Variants in TAF1L observed in about 807,000 individuals in gnomAD.
The protein encoded by TAF1L is transcription initiation factor TFIID subunit 1-like.
TAF1L carries 30 observed loss-of-function variants against 128.8 expected under a neutral mutation model. That is an observed-to-expected ratio of 0.23 (90% confidence interval 0.17 to 0.32). TAF1L has a LOEUF of 0.32. Among genes scored for constraint, TAF1L ranks in the 10% least tolerant of loss-of-function variants. The pLI, the probability that TAF1L is intolerant of heterozygous loss-of-function variation, is 1.00. For missense variants in TAF1L, 2,099 were observed against 2,253.7 expected, an observed-to-expected ratio of 0.93 and a Z score of 1.39; for synonymous variants, 764 against 790.7, an observed-to-expected ratio of 0.97 and a Z score of 0.57.
In TAF1L at chr9:32,633,585, CT is replaced by C. The variant is rs760628590; in HGVS notation, c.1994del (p.Lys665ArgfsTer4). The C allele has an allele frequency of 6.2e-7, 1 of 1,613,854 alleles. No individual in the cohort carries two copies. Among genetic ancestry groups the C allele is most frequent in the Non-Finnish European group, 8.5e-7 (1 of 1,179,960 alleles). On this transcript the variant is annotated frameshift_variant, in exon 1 of 1. Transcript: ENST00000242310. LOFTEE classifies it high-confidence loss of function. ...GCCTCTCTTGTTCTCTCATCTTGGC[CT>C]TTTTTTTGATGTGCTTTAGCAAAGG... The part of the protein sequence containing the change: ...VQPLLKHIKK[K>X]AKMREQERQA...
Position 32,634,828 on chromosome 9 carries a change from G to T in TAF1L, c.752C>A (p.Pro251Gln). 6.2e-7 allele frequency: 1 copy of T among 1,614,146 alleles called. No individual in the cohort carries two copies. The highest frequency in any genetic ancestry group is 1.6e-4 in the Middle Eastern group (1 of 6,062). Reference protein sequence around the residue: ...KLLPSVTELFPEFRPGKVLRF... With the variant: ...KLLPSVTELFQEFRPGKVLRF... ...TAACACTTTTCCAGGTCGAAATTCT[G>T]GAAAAAGTTCGGTGACACTTGGCAA... Residue 251 changes from proline to glutamine, a missense_variant, in exon 1 of 1, where the codon CCA becomes CAA. By Grantham distance (76) the Pro-to-Gln change is moderately conservative. Coordinates refer to ENST00000242310, the MANE Select transcript of TAF1L (RefSeq NM_153809.2).
At position 32,633,695 on chromosome 9, in the gene TAF1L, T is replaced by C. The variant is rs750104723; in HGVS notation, c.1885A>G (p.Ile629Val). Residue 629 changes from isoleucine to valine, a missense_variant, in exon 1 of 1, where the codon ATC becomes GTC. By Grantham distance (29) the Ile-to-Val change is conservative. Around this residue, in one of 4 missense-constraint regions of TAF1L, gnomAD observed 1,213 missense variants for 1,391.4 expected, o/e 0.87. Coordinates refer to ENST00000242310, the MANE Select transcript of TAF1L (RefSeq NM_153809.2). ...GGGCGATGGAACTGCCGGATTTTGA[T>C]GGGCCCCATGTGGGTGGGAAAGAAG... ...QPFFPTHMGP[I>V]KIRQFHRPPL... is the part of the protein sequence containing the mutation. The C allele has an allele frequency of 6.2e-7, 1 of 1,614,202 alleles. No homozygotes were observed. Among genetic ancestry groups the C allele is most frequent in the African/African-American group, 1.3e-5 (1 of 75,058 alleles).
At position 32,634,075 on chromosome 9, in the gene TAF1L, T is replaced by C. The variant is rs768088242; in HGVS notation, c.1505A>G (p.Asn502Ser). 9 of 1,614,016 alleles carry C rather than the reference T, an allele frequency of 5.6e-6. No individual in the cohort carries two copies. Among genetic ancestry groups the C allele is most frequent in the East Asian group, 2.2e-5 (1 of 44,900 alleles). Residue 502 changes from asparagine (N) to serine (S), a missense_variant, in exon 1 of 1, where the codon AAT becomes AGT. By Grantham distance (46) the Asn-to-Ser change is conservative. Transcript: ENST00000242310. ...EDLVYGRWED[N>S]IIWDAQAMPR... ...CATGGCCTGAGCATCCCAAATGATA[T>C]TGTCCTCCCAGCGTCCATACACCAG... is the stretch of plus-strand genomic sequence containing the variant.
chr9:32,635,606 C>G lies in TAF1L; in HGVS notation c.-27G>C. 2 of 1,443,968 alleles carry G rather than the reference C, an allele frequency of 1.4e-6. No homozygotes were observed. Among genetic ancestry groups the G allele is most frequent in the Non-Finnish European group, 1.9e-6 (2 of 1,077,728 alleles). The allele number at this position is 1,443,968 out of a possible 1,614,324, so 89.4% of individuals were successfully genotyped here. A position where few individuals can be genotyped will look rare whatever the true frequency, so the allele number is the denominator to read the frequency against. On this transcript the variant is annotated 5_prime_UTR_variant, in exon 1 of 1. Transcript: ENST00000242310. ...AACCGGAAATAAAACAACAGTCGCC[C>G]GGAAGTGATCTACTTAGCTCCCTTA...
rs1479181668 is a variant in TAF1L at position 32,633,883 on chromosome 9, A to T, written c.1697T>A (p.Val566Asp). The T allele has an allele frequency of 1.2e-6, 2 of 1,614,142 alleles. No homozygotes were observed. The highest frequency in any genetic ancestry group is 1.7e-6 in the Non-Finnish European group (2 of 1,180,020). Residue 566 changes from valine (V) to aspartate (D), a missense_variant, in exon 1 of 1, where the codon GTC becomes GAC. This residue lies in a region of TAF1L where 1,213 missense variants were observed against 1,391.4 expected (regional missense o/e 0.87). Transcript: ENST00000242310. ...GTTCTGCTGTGGTTCCTCCCTGATG[A>T]CACCTGTTTTGCCCAAGAGAATTCG... ...KSRILLGKTG[V>D]IREEPQQNMS...
Position 32,635,202 on chromosome 9 carries a change from C to T in TAF1L, c.378G>A (p.Thr126=), listed in dbSNP as rs775176557. Residue 126 remains threonine (T), a synonymous_variant, in exon 1 of 1, where the codon ACG becomes ACA. Coordinates refer to ENST00000242310, the MANE Select transcript of TAF1L (RefSeq NM_153809.2). The part of the protein sequence containing the change: ...AEDESQRHQQ[T]MGSLQPLYHS... ...GGTAAAGGGGCTGCAAGCTCCCCAT[C>T]GTCTGCTGGTGTCTTTGGCTTTCAT... The T allele has an allele frequency of 6.8e-6, 11 of 1,614,168 alleles. No individual in the cohort carries two copies. In the East Asian group the frequency reaches 8.9e-5, roughly 13 times the overall value.
Position 32,633,501 on chromosome 9 carries a change from T to G in TAF1L, c.2079A>C (p.Lys693Asn). ...ATTCTGCAAGAATAAGATCTCCATCTTTGCCTGTGAGATCCTGAGGTGTGC... is the reference window on the plus strand; with the variant it reads ...ATTCTGCAAGAATAAGATCTCCATCGTTGCCTGTGAGATCCTGAGGTGTGC... Reference protein sequence around the residue: ...FMRTPQDLTGKDGDLILAEYS... With the variant: ...FMRTPQDLTGNDGDLILAEYS... The change falls in exon 1 of 1, where the codon AAA (lysine) becomes AAC (asparagine). Residue 693 changes from lysine (K) to asparagine (N), a missense_variant. Lys to Asn is a moderately conservative substitution (Grantham distance 94, BLOSUM62 0). This residue lies in a region of TAF1L where 1,213 missense variants were observed against 1,391.4 expected (regional missense o/e 0.87). Coordinates refer to ENST00000242310, the MANE Select transcript of TAF1L (RefSeq NM_153809.2). The G allele has an allele frequency of 6.2e-7, 1 of 1,614,224 alleles. No individual in the cohort carries two copies. Among genetic ancestry groups the G allele is most frequent in the Non-Finnish European group, 8.5e-7 (1 of 1,180,042 alleles).
rs1379490097 is a variant in TAF1L, at chr9:32,631,976, CA to C, written c.3603del (p.Cys1201TrpfsTer50). ...RDEEGKEYVRCETVRKPAVID... is the reference protein window; with the variant it reads ...RDEEGKEYVRXETVRKPAVID... The stretch of plus-strand genomic sequence containing the variant: ...ATGACAGCTGGTTTTCGGACTGTCT[CA>C]CAGCGAACATACTCTTTCCCCTCTT... On this transcript the variant is annotated frameshift_variant, in exon 1 of 1. Coordinates refer to ENST00000242310, the MANE Select transcript of TAF1L (RefSeq NM_153809.2). LOFTEE classifies it high-confidence loss of function. The surrounding 1 kb of genome is among the most constrained non-coding windows in gnomAD (Gnocchi z 4.1). The C allele has an allele frequency of 3.7e-6, 6 of 1,614,008 alleles. No individual in the cohort carries two copies. In the African/African-American group the frequency reaches 8.0e-5, roughly 22 times the overall value.
Position 32,629,803 on chromosome 9 carries a change from C to T in TAF1L, c.*296G>A, listed in dbSNP as rs575478704. On this transcript the variant is annotated 3_prime_UTR_variant, in exon 1 of 1. Transcript: ENST00000242310. ...CTCCCGAGTATCTGGGGATTACAGG[C>T]GTGCACCACCACACCTGGCTAATTT... The T allele has an allele frequency of 6.3e-5, 33 of 527,728 alleles. No individual in the cohort carries two copies. The highest frequency in any genetic ancestry group is 4.4e-4 in the African/African-American group (23 of 52,514). 32.7% of individuals were successfully genotyped at this position (527,728 alleles called of 1,614,324 possible). A position where few individuals can be genotyped will look rare whatever the true frequency, so the allele number is the denominator to read the frequency against.
rs764301198 is a variant in TAF1L at position 32,631,308 on chromosome 9, G to A, written c.4272C>T (p.Phe1424=). Residue 1424 remains phenylalanine, a synonymous_variant, in exon 1 of 1, where the codon TTC becomes TTT. Transcript: ENST00000242310. The surrounding 1 kb of genome is among the most constrained non-coding windows in gnomAD (Gnocchi z 4.1). ...DMRDLPNTHP[F]HTPVNAKVVK... ...CAACCTTTGCATTGACTGGAGTGTG[G>A]AAAGGGTGTGTATTTGGAAGATCTC... 46 of 1,614,072 alleles carry A rather than the reference G, an allele frequency of 2.8e-5. No individual in the cohort carries two copies. The highest frequency in any genetic ancestry group is 3.6e-5 in the Non-Finnish European group (42 of 1,180,048).
rs1474996493 is a variant in TAF1L at position 32,634,532 on chromosome 9, C to T, written c.1048G>A (p.Val350Met). ...GCCACTCTTGGTTTGGTATCTGTCA[C>T]TTTATCTACATCTCCAGTTGATTGG... The part of the protein sequence containing the change: ...FSQSTGDVDK[V>M]TDTKPRVAEW... Residue 350 changes from valine to methionine, a missense_variant, in exon 1 of 1, where the codon GTG (valine) becomes ATG (methionine). Transcript: ENST00000242310. 2 of 1,614,206 alleles carry T rather than the reference C, an allele frequency of 1.2e-6. No individual in the cohort carries two copies. Among genetic ancestry groups the T allele is most frequent in the East Asian group, 2.2e-5 (1 of 44,882 alleles).
In TAF1L at chr9:32,633,679, A is replaced by C; in HGVS notation, c.1901T>G (p.Phe634Cys). The C allele has an allele frequency of 2.5e-6, 4 of 1,614,152 alleles. No individual in the cohort carries two copies. The highest frequency in any genetic ancestry group is 3.4e-6 in the Non-Finnish European group (4 of 1,180,022). The change falls in exon 1 of 1, where the codon TTC becomes TGC. Residue 634 changes from phenylalanine (F) to cysteine (C), a missense_variant. Coordinates refer to ENST00000242310, the MANE Select transcript of TAF1L (RefSeq NM_153809.2). ...GTACTTTTTCAGAGGTGGGCGATGG[A>C]ACTGCCGGATTTTGATGGGCCCCAT... ...THMGPIKIRQ[F>C]HRPPLKKYSF...
chr9:32,635,545 G>C lies in TAF1L; in HGVS notation c.35C>G (p.Ala12Gly), dbSNP rs759187232. 3.1e-6 allele frequency: 5 copies of C among 1,613,840 alleles called. No individual in the cohort carries two copies. In the African/African-American group the frequency reaches 6.7e-5, roughly 22 times the overall value. The change falls in exon 1 of 1, where the codon GCA becomes GGA. Residue 12 changes from alanine (A) to glycine (G), a missense_variant. Physicochemically the swap from Ala to Gly is moderately conservative, Grantham distance 60. Transcript: ENST00000242310. ...CATGATGGCGGCAGTGACGGTAGCT[G>C]CTGCCCTCAGCAGCAAATCGCAGCC... ...RPGCDLLLRA[A>G]ATVTAAIMSD...
chr9:32,634,713 T>G lies in TAF1L; in HGVS notation c.867A>C (p.Ile289=), dbSNP rs1212223527. 2.5e-6 allele frequency: 4 copies of G among 1,614,196 alleles called. No individual in the cohort carries two copies. The South Asian group carries it at 4.4e-5, about 18-fold the overall frequency. ...CCACCTCCTGGATCTGCTCTTCCTGTATCAGCTCACGATGCTTCTTCCTCT... is the reference window on the plus strand; with the variant it reads ...CCACCTCCTGGATCTGCTCTTCCTGGATCAGCTCACGATGCTTCTTCCTCT... ...RRKRKKHREL[I]QEEQIQEVEC... The change falls in exon 1 of 1, where the codon ATA becomes ATC. Residue 289 remains isoleucine, a synonymous_variant. Coordinates refer to ENST00000242310, the MANE Select transcript of TAF1L (RefSeq NM_153809.2).
Position 32,632,328 on chromosome 9 carries a change from T to C in TAF1L, c.3252A>G (p.Glu1084=). Residue 1084 remains glutamate, a synonymous_variant, in exon 1 of 1, where the codon GAA becomes GAG. Transcript: ENST00000242310. This position sits in a 1 kb window ranked among gnomAD's most constrained non-coding sequence, Gnocchi z 4.4. ...TCTGTAGGTCAAAGATACGCTGACA[T>C]TCCTCTTTGTAACGCTCTTGATGCT... ...VAEHQERYKE[E]CQRIFDLQNK... 6.2e-7 allele frequency: 1 copy of C among 1,614,210 alleles called. No homozygotes were observed. Among genetic ancestry groups the C allele is most frequent in the Non-Finnish European group, 8.5e-7 (1 of 1,180,050 alleles).
chr9:32,633,888 T>C lies in TAF1L; in HGVS notation c.1692A>G (p.Thr564=), dbSNP rs1822549044. The C allele has an allele frequency of 6.2e-7, 1 of 1,614,206 alleles. No homozygotes were observed. Among genetic ancestry groups the C allele is most frequent in the Admixed American group, 1.7e-5 (1 of 60,020 alleles). ...GCTGTGGTTCCTCCCTGATGACACC[T>C]GTTTTGCCCAAGAGAATTCGACTCT... The part of the protein sequence containing the change: ...LKKSRILLGK[T]GVIREEPQQN... The change falls in exon 1 of 1, where the codon ACA becomes ACG. Residue 564 remains threonine (T), a synonymous_variant. Transcript: ENST00000242310.
Position 32,634,625 on chromosome 9 carries a change from G to T in TAF1L, c.955C>A (p.Pro319Thr), listed in dbSNP as rs773503276. ...SLWNYDYAPP[P>T]PPEQCLADDE... ...TCAGCGAGACACTGCTCTGGGGGTGGTGGTGGAGCATAGTCATAGTTCCAC... is the reference window on the plus strand; with the variant it reads ...TCAGCGAGACACTGCTCTGGGGGTGTTGGTGGAGCATAGTCATAGTTCCAC... The change falls in exon 1 of 1, where the codon CCA (proline) becomes ACA (threonine). Residue 319 changes from proline to threonine, a missense_variant. Physicochemically the swap from Pro to Thr is conservative, Grantham distance 38. Coordinates refer to ENST00000242310, the MANE Select transcript of TAF1L (RefSeq NM_153809.2). 1.9e-6 allele frequency: 3 copies of T among 1,614,178 alleles called. No individual in the cohort carries two copies. In the Admixed American group the frequency reaches 5.0e-5, roughly 27 times the overall value.
At position 32,631,338 on chromosome 9, in the gene TAF1L, G is replaced by T; in HGVS notation, c.4242C>A (p.Asp1414Glu). 2 of 1,614,184 alleles carry T rather than the reference G, an allele frequency of 1.2e-6. No homozygotes were observed. Among genetic ancestry groups the T allele is most frequent in the Non-Finnish European group, 1.7e-6 (2 of 1,180,026 alleles). The change falls in exon 1 of 1, where the codon GAC becomes GAA. Residue 1414 changes from aspartate to glutamate, a missense_variant. Transcript: ENST00000242310. The surrounding 1 kb of genome is among the most constrained non-coding windows in gnomAD (Gnocchi z 4.1). ...LSSILESIIN[D>E]MRDLPNTHPF... ...GGTGTGTATTTGGAAGATCTCTCATGTCATTGATGATAGACTCCAGGATGG... is the reference window on the plus strand; with the variant it reads ...GGTGTGTATTTGGAAGATCTCTCATTTCATTGATGATAGACTCCAGGATGG...
In TAF1L at chr9:32,631,236, T is replaced by C. The variant is rs1323251847; in HGVS notation, c.4344A>G (p.Thr1448=). Residue 1448 remains threonine (T), a synonymous_variant, in exon 1 of 1, where the codon ACA becomes ACG. Transcript: ENST00000242310. This position sits in a 1 kb window ranked among gnomAD's most constrained non-coding sequence, Gnocchi z 4.1. ...GGCATTTACGCACATTTTCACGGAG[T>C]GTTTGTAGGTCCATTGGCCGAGTGA... ...KIITRPMDLQ[T]LRENVRKCLY... 6 of 1,613,762 alleles carry C rather than the reference T, an allele frequency of 3.7e-6. No homozygotes were observed. The Admixed American group carries it at 5.0e-5, about 13-fold the overall frequency.
Sources: gnomAD v4.1 joint callset for allele counts on GRCh38, gnomAD v4.1.1 for gene constraint, gnomAD v4.1.1 regional missense constraint, Gnocchi (gnomAD v3.1) non-coding constraint, MANE v1.5 for transcripts, NCBI Gene and HGNC (gene_info 2026-07-23, HGNC 2026-07-21) for gene names.